The following SLC25A17 variants were observed in gnomAD, a reference collection of about 807,000 sequenced individuals.
The protein encoded by SLC25A17 is peroxisomal membrane protein PMP34.
Under a neutral mutation model 38.5 loss-of-function variants are expected in SLC25A17, and 26 were observed. That is an observed-to-expected ratio of 0.68 (90% CI 0.50 to 0.94). The LOEUF (loss-of-function observed/expected upper bound fraction) is 0.94. Ranked by LOEUF, SLC25A17 falls within the 40% of genes least tolerant of loss-of-function variation. SLC25A17 has a pLI of 0.00. For missense variants in SLC25A17, 333 were observed against 372.7 expected, an observed-to-expected ratio of 0.89 and a Z score of 0.88; for synonymous variants, 139 against 136.2, an observed-to-expected ratio of 1.02 and a Z score of -0.14.
At chr22:40,797,299 A>C in intron 2 of SLC25A17, 1 of 1,299,458 alleles carries the variant, frequency 7.7e-7, no homozygotes, top group Non-Finnish European at 1.0e-6. Context: ...TCTTCATGCA[A>C]GTTCTGGCAT....
At chr22:40,783,003 T>C (rs2057307678) in intron 4 of SLC25A17, among the ~76,000 whole-genome samples, 2 of 152,314 alleles carry the variant, frequency 1.3e-5, no homozygotes, top group African/African-American at 4.8e-5. Context: ...TTAGAGATGA[T>C]ACAACTCATT....
intron 4 of SLC25A17, among the ~76,000 whole-genome samples, chr22:40,784,784 C>CAAAAAAAAAAAAAAAAA (rs71200616): frequency 3.1e-5 from 3 of 96,368 alleles, no homozygotes; most frequent in East Asian, 3.0e-4. Context: ...TCAACAACAA[C>CAAAAAAAAAAAAAAAAA]AAAAAAAAAA....
At position 40,770,888 on chromosome 22, in the gene SLC25A17, T is replaced by C; in HGVS notation, c.870A>G (p.Lys290=). Reference sequence around the variant, plus strand: ...TAACTGTGAAGGTGGCAGCTGTCAGTTTCTCATAAACAAGGAACATGAGAG... The same window carrying C: ...TAACTGTGAAGGTGGCAGCTGTCAGCTTCTCATAAACAAGGAACATGAGAG... ...TAALMFLVYE[K]LTAATFTVMG... The change falls in exon 9 of 9, where the codon AAA becomes AAG. Residue 290 remains lysine, a synonymous_variant. Coordinates refer to ENST00000435456, the MANE Select transcript of SLC25A17 (RefSeq NM_006358.4). 6.2e-7 allele frequency: 1 copy of C among 1,613,426 alleles called. No homozygotes were observed. Among genetic ancestry groups the C allele is most frequent in the Non-Finnish European group, 8.5e-7 (1 of 1,179,552 alleles).
intron 5 of SLC25A17, among the ~76,000 whole-genome samples, chr22:40,777,889 G>A (rs1405440364): frequency 6.6e-6 from 1 of 151,922 alleles, no homozygotes; most frequent in Non-Finnish European, 1.5e-5. Flanking sequence ...AAGTTATTGA[G>A]AGACCAACTT....
rs1033266015 is a variant in SLC25A17 at position 40,777,212 on chromosome 22, C to T, written c.597+16G>A. 6.2e-7 allele frequency: 1 copy of T among 1,613,180 alleles called. No homozygotes were observed. The highest frequency in any genetic ancestry group is 8.5e-7 in the Non-Finnish European group (1 of 1,179,184). On this transcript the variant is annotated intron_variant, in intron 6 of 8. Coordinates refer to ENST00000435456, the MANE Select transcript of SLC25A17 (RefSeq NM_006358.4). Reference sequence around the variant, plus strand: ...TCAGACAGAATTATTTTACTGCTTTCAAAATCAAGGATTACCTTCATCCGT... The same window carrying T: ...TCAGACAGAATTATTTTACTGCTTTTAAAATCAAGGATTACCTTCATCCGT...
At chr22:40,786,932 G>C (rs2057343494) in intron 4 of SLC25A17, among the ~76,000 whole-genome samples, 1 of 152,194 alleles carries the variant, frequency 6.6e-6, no homozygotes, top group South Asian at 2.1e-4. Flanking sequence ...TACCTTCTAT[G>C]TACTAGGCAG....
intron 8 of SLC25A17, 101 bp from the exon 9 acceptor site, chr22:40,771,082 G>A: frequency 1.0e-6 from 1 of 1,004,714 alleles, no homozygotes; most frequent in Non-Finnish European, 1.4e-6. Context: ...AGAGGTTTTA[G>A]ATTTCAACAC....
At chr22:40,819,096 C>T (rs1407391722) in intron 1 of SLC25A17, 99 bp downstream of exon 1, 1 of 1,298,380 alleles carries the variant, frequency 7.7e-7, no homozygotes, top group Non-Finnish European at 1.1e-6. Context: ...CCAACCCACA[C>T]TACCTCCCTC....
chr22:40,794,380 T>G, intron 3 of SLC25A17, 134 bp downstream of exon 3: 1 of 558,558 alleles, frequency 1.8e-6, no homozygotes, highest in East Asian at 3.0e-5. Flanking sequence ...AATTATGTAC[T>G]TATAAATCAG....
chr22:40,790,806 C>A (rs990107296), intron 4 of SLC25A17, among the ~76,000 whole-genome samples: 2 of 152,150 alleles, frequency 1.3e-5, no homozygotes, highest in Non-Finnish European at 2.9e-5. Context: ...CTTTCAAATG[C>A]AAATACATAT....
chr22:40,774,144 G>C, intron 7 of SLC25A17, 125 bp from the exon 8 acceptor site: 1 of 572,636 alleles, frequency 1.7e-6, no homozygotes. Flanking sequence ...TATCCAATTA[G>C]TACCATAGAT....
intron 4 of SLC25A17, among the ~76,000 whole-genome samples, chr22:40,782,381 CTTTCT>C: frequency 6.6e-6 from 1 of 152,178 alleles, no homozygotes; most frequent in Non-Finnish European, 1.5e-5. Context: ...TATTTTCTTT[CTTTCT>C]TTTATGTAAC....
At chr22:40,819,163 G>A (rs377363631) in intron 1 of SLC25A17, 32 bp downstream of exon 1, 3 of 1,612,462 alleles carry the variant, frequency 1.9e-6, no homozygotes, top group Non-Finnish European at 2.5e-6. Context: ...CTTATAACCC[G>A]TTGCGGCCCG....
At chr22:40,792,215 G>A (rs1038895631) in intron 4 of SLC25A17, among the ~76,000 whole-genome samples, 3 of 145,886 alleles carry the variant, frequency 2.1e-5, no homozygotes, top group African/African-American at 7.7e-5. Flanking sequence ...AAGTAGAATG[G>A]TGGTTACTAA....
chr22:40,773,791 G>C, intron 8 of SLC25A17, 146 bp downstream of exon 8: 1 of 670,264 alleles, frequency 1.5e-6, no homozygotes. Flanking sequence ...CCTAAAATGG[G>C]AAATGTCTAA....
At chr22:40,787,443 A>G (rs762621344) in intron 4 of SLC25A17, among the ~76,000 whole-genome samples, 6 of 152,218 alleles carry the variant, frequency 3.9e-5, no homozygotes, top group Non-Finnish European at 7.3e-5. Flanking sequence ...CATCCTAGCG[A>G]GTAGCCTACC....
At chr22:40,815,998 C>A (rs2057635151) in intron 1 of SLC25A17, among the ~76,000 whole-genome samples, 1 of 152,220 alleles carries the variant, frequency 6.6e-6, no homozygotes, top group Non-Finnish European at 1.5e-5. Context: ...ACCAGGCTGA[C>A]CAACATGGAG....
chr22:40,791,931 A>C (rs752976963), intron 4 of SLC25A17, among the ~76,000 whole-genome samples: 5 of 152,224 alleles, frequency 3.3e-5, no homozygotes, highest in Non-Finnish European at 5.9e-5. Flanking sequence ...AGAGAGCTAC[A>C]CATCCATTTT....
At chr22:40,774,389 A>G (rs1364242866) in intron 7 of SLC25A17, among the ~76,000 whole-genome samples, 1 of 152,062 alleles carries the variant, frequency 6.6e-6, no homozygotes, top group African/African-American at 2.4e-5. Flanking sequence ...ACGCCCGGCT[A>G]ATTTTTGTAT....
Sources: allele counts gnomAD v4.1 joint callset (sites outside exome capture counted in the v4.1 genomes callset), GRCh38; gene constraint gnomAD v4.1.1; transcripts MANE v1.5; gene names NCBI Gene and HGNC (gene_info 2026-07-23, HGNC 2026-07-21).